Variants in BLTP1 observed in about 807,000 individuals in gnomAD.
BLTP1 encodes the protein fragile site-associated protein.
At chr4:122,348,840 T>C in the BLTP1 span, 1 of 668,402 alleles carries the variant, frequency 1.5e-6, no homozygotes, top group South Asian at 2.7e-5. Context: ...AGATAAACGA[T>C]ATAAAATGTT....
At chr4:122,312,161 A>G in the BLTP1 span, among the ~76,000 whole-genome samples, 6 of 152,120 alleles carry the variant, frequency 3.9e-5, no homozygotes, top group Admixed American at 3.9e-4. Flanking sequence ...TCAGCCCCCC[A>G]AGTAGCTGGG....
the BLTP1 span, chr4:122,255,227 A>G: frequency 6.2e-7 from 1 of 1,613,314 alleles, no homozygotes; most frequent in South Asian, 1.1e-5. Flanking sequence ...ACTATGTAAT[A>G]TACTACACCA....
the BLTP1 span, among the ~76,000 whole-genome samples, chr4:122,260,320 A>C: frequency 2.6e-5 from 4 of 152,214 alleles, no homozygotes; most frequent in African/African-American, 7.2e-5. Context: ...TATGTGGCAC[A>C]TGACTGTATT....
chr4:122,347,452 T>G, the BLTP1 span: 1 of 1,531,114 alleles, frequency 6.5e-7, no homozygotes, highest in East Asian at 2.3e-5. Context: ...ATGGGTGAAC[T>G]TATTTTATAA....
the BLTP1 span, chr4:122,238,001 ATT>A: frequency 3.8e-5 from 51 of 1,348,018 alleles, 1 homozygote; most frequent in South Asian, 3.7e-4. Context: ...AAAAAAAAAA[ATT>A]ATACTTAAAA....
chr4:122,361,400 T>C, the BLTP1 span, among the ~76,000 whole-genome samples: 1 of 152,092 alleles, frequency 6.6e-6, no homozygotes, highest in African/African-American at 2.4e-5. Context: ...ACAGACAACA[T>C]AGAATACTCT....
chr4:122,257,414 G>A, the BLTP1 span: 2 of 1,613,990 alleles, frequency 1.2e-6, no homozygotes, highest in Non-Finnish European at 8.5e-7. Context: ...CCATGAACAT[G>A]AAGATGGACT....
the BLTP1 span, chr4:122,194,605 G>C: frequency 1.0e-6 from 1 of 979,032 alleles, no homozygotes; most frequent in Non-Finnish European, 1.2e-6. Flanking sequence ...TGGCAGAACA[G>C]TTATGTATTG....
chr4:122,344,707 C>T, the BLTP1 span: 31 of 1,230,616 alleles, frequency 2.5e-5, no homozygotes, highest in South Asian at 1.6e-4. Context: ...GCCCAGCCTA[C>T]GGTACTGTGT....
the BLTP1 span, chr4:122,269,151 A>G: frequency 1.4e-6 from 1 of 734,748 alleles, no homozygotes; most frequent in Non-Finnish European, 1.7e-6. Flanking sequence ...CTTTCATACA[A>G]ATATATCCAT....
chr4:122,160,827 T>C, the BLTP1 span, among the ~76,000 whole-genome samples: 1 of 152,186 alleles, frequency 6.6e-6, no homozygotes, highest in African/African-American at 2.4e-5. Flanking sequence ...TACTTGGTGT[T>C]TTAATTGTTA....
At chr4:122,335,955 A>G in the BLTP1 span, 1 of 346,600 alleles carries the variant, frequency 2.9e-6, no homozygotes, top group Non-Finnish European at 5.2e-6. Flanking sequence ...AAGCTGAAAA[A>G]CTGGACCAAA....
At chr4:122,245,975 C>T in the BLTP1 span, 1 of 251,542 alleles carries the variant, frequency 4.0e-6, no homozygotes, top group Admixed American at 6.5e-5. Flanking sequence ...AACCATGATG[C>T]TACCAGTCTT....
the BLTP1 span, among the ~76,000 whole-genome samples, chr4:122,222,767 T>C: frequency 7.4e-3 from 1,130 of 152,226 alleles, 26 homozygotes; most frequent in African/African-American, 0.026. Flanking sequence ...TGTAACCTTA[T>C]CATAACCTAA....
chr4:122,305,738 T>G, the BLTP1 span: 2 of 1,343,956 alleles, frequency 1.5e-6, no homozygotes, highest in Non-Finnish European at 1.9e-6. Context: ...GTACAGAGTA[T>G]AAGGAATATA....
At chr4:122,291,712 G>A in the BLTP1 span, 8 of 977,688 alleles carry the variant, frequency 8.2e-6, no homozygotes, top group South Asian at 2.8e-4. Context: ...ATATAAGGAG[G>A]TTACCATCTT....
the BLTP1 span, chr4:122,328,325 G>C: frequency 2.5e-6 from 4 of 1,610,278 alleles, no homozygotes; most frequent in Non-Finnish European, 3.4e-6. Context: ...AAGACCATGA[G>C]AGGGAAAGGT....
At chr4:122,226,548 G>GA in the BLTP1 span, 9 of 1,458,692 alleles carry the variant, frequency 6.2e-6, no homozygotes, top group East Asian at 2.6e-5. Context: ...ATTAAAGGTA[G>GA]AAAAAAATCA....
chr4:122,208,082 A>G, the BLTP1 span: 3 of 984,960 alleles, frequency 3.0e-6, no homozygotes, highest in Non-Finnish European at 3.6e-6. Flanking sequence ...CATTTTTGGT[A>G]TGGATAACCA....
Sources: allele counts gnomAD v4.1 joint callset (sites outside exome capture counted in the v4.1 genomes callset), GRCh38; gene constraint gnomAD v4.1.1; transcripts MANE v1.5; gene names NCBI Gene and HGNC (gene_info 2026-07-23, HGNC 2026-07-21).